The following TMC2 variants were observed in gnomAD, a reference collection of about 807,000 sequenced individuals.
The protein encoded by TMC2 is transmembrane channel like 2.
A neutral mutation model predicts 105.9 loss-of-function variants in TMC2; 102 were observed. The ratio of observed to expected loss-of-function variants is 0.96; its 90% CI spans 0.82 to 1.14. The LOEUF is 1.14. Among genes scored for constraint, TMC2 ranks in the 50% most tolerant of loss-of-function variants. TMC2 has a pLI of 0.00. For missense variants in TMC2, 1,093 were observed against 1,134.3 expected (o/e 0.96, Z 0.52); for synonymous variants, 402 against 422.8 (o/e 0.95, Z 0.60).
rs140733869 is a variant in TMC2 at position 2,602,193 on chromosome 20, T to A, written c.1305T>A (p.Phe435Leu). The A allele has an allele frequency of 3.0e-4, 482 of 1,613,762 alleles. 1 individual carries two copies. The African/African-American group carries it at 5.5e-3, about 18-fold the overall frequency. The change falls in exon 11 of 20, where the codon TTT becomes TTA. Residue 435 changes from phenylalanine to leucine, a missense_variant. Transcript: ENST00000358864. ...LTRFLRVLAN[F>L]LIICCLCGSG... is the part of the protein sequence containing the mutation. ...GATTTCTTCGTGTCCTGGCCAACTT[T>A]CTCATCATCTGCTGTTTGTGTGGAA...
At chr20:2,635,492 A>C (rs1454283932) in intron 17 of TMC2, among the ~76,000 whole-genome samples, 3 of 152,102 alleles carry the variant, frequency 2.0e-5, no homozygotes, top group African/African-American at 7.2e-5. Context: ...TAAACATAGA[A>C]GTCTACTCTC....
intron 5 of TMC2, among the ~76,000 whole-genome samples, chr20:2,575,774 G>T (rs1479591545): frequency 3.4e-5 from 4 of 118,582 alleles, no homozygotes; most frequent in African/African-American, 1.3e-4. Context: ...CTTTCTCTTT[G>T]CAATCTCAGA....
At chr20:2,545,690 AGAAGGAAGAAGAAAGAAGAAG>A (rs1035569533) in intron 2 of TMC2, among the ~76,000 whole-genome samples, 7 of 66,322 alleles carry the variant, frequency 1.1e-4, no homozygotes, top group Middle Eastern at 7.1e-3. Context: ...AGAAGAAAGA[AGAAGGAAGAAGAAAGAAGAAG>A]GAAGAAGAAG....
At chr20:2,600,873 G>T (rs1600123117) in intron 10 of TMC2, among the ~76,000 whole-genome samples, 1 of 150,446 alleles carries the variant, frequency 6.6e-6, no homozygotes, top group Non-Finnish European at 1.5e-5. Flanking sequence ...TGTAATCCCA[G>T]CTACTCAGGA....
At position 2,572,214 on chromosome 20, in the gene TMC2, C is replaced by G. The variant is rs2086108762; in HGVS notation, c.590C>G (p.Ala197Gly). ...AQEFVEKYEG[A>G]LGKGKGKQLY... ...GAATTTGTGGAGAAGTATGAAGGTGCCTTGGGAAAGGGGAAAGGCAAGCAA... is the reference window on the plus strand; with the variant it reads ...GAATTTGTGGAGAAGTATGAAGGTGGCTTGGGAAAGGGGAAAGGCAAGCAA... The change falls in exon 5 of 20, where the codon GCC becomes GGC. Residue 197 changes from alanine (A) to glycine (G), a missense_variant. Transcript: ENST00000358864. 14 of 1,611,802 alleles carry G rather than the reference C, an allele frequency of 8.7e-6. No individual in the cohort carries two copies. Among genetic ancestry groups the G allele is most frequent in the Non-Finnish European group, 1.2e-5 (14 of 1,179,626 alleles).
intron 16 of TMC2, among the ~76,000 whole-genome samples, chr20:2,620,328 A>G (rs1240056704): frequency 6.6e-6 from 1 of 152,240 alleles, no homozygotes; most frequent in African/African-American, 2.4e-5. Context: ...TGTCATGAGA[A>G]TGTGCTGTAA....
Position 2,617,322 on chromosome 20 carries a change from TC to T in TMC2, c.2180+12del. The stretch of plus-strand genomic sequence containing the variant: ...CTGCGGGCCGTTCAGGTGCAGAGTC[TC>T]AGTTGCCCGGGAGCACCTCCCCTCC... On this transcript the variant is annotated intron_variant, in intron 16 of 19. Transcript: ENST00000358864. 1 of 1,613,972 alleles carries T rather than the reference TC, an allele frequency of 6.2e-7. No individual in the cohort carries two copies. The highest frequency in any genetic ancestry group is 8.5e-7 in the Non-Finnish European group (1 of 1,179,876).
Position 2,558,606 on chromosome 20 carries a change from G to C in TMC2, c.233G>C (p.Arg78Thr). The C allele has an allele frequency of 1.3e-6, 2 of 1,557,984 alleles. No homozygotes were observed. Among genetic ancestry groups the C allele is most frequent in the Non-Finnish European group, 1.7e-6 (2 of 1,150,468 alleles). ...CGGAGGAAGCAAACAGGGCGCAGGA[G>C]ACACAGAGAAGAGCTGGGGGAGCAG... ...SPRRKQTGRR[R>T]HREELGEQER... The change falls in exon 3 of 20, where the codon AGA becomes ACA. Residue 78 changes from arginine to threonine, a missense_variant. Coordinates refer to ENST00000358864, the MANE Select transcript of TMC2 (RefSeq NM_080751.3). This position sits in a 1 kb window ranked among gnomAD's most constrained non-coding sequence, Gnocchi z 4.6.
chr20:2,595,518 C>T (rs980337973), intron 9 of TMC2, among the ~76,000 whole-genome samples: 8 of 152,052 alleles, frequency 5.3e-5, no homozygotes, highest in Non-Finnish European at 1.2e-4. Context: ...CCATGGCGGC[C>T]TCTCTGGCCC....
At chr20:2,579,034 C>CACCCATGCTGACTCATGCTG in intron 5 of TMC2, 112 bp from the exon 6 acceptor site, 1 of 675,162 alleles carries the variant, frequency 1.5e-6, no homozygotes, top group South Asian at 1.6e-5. Flanking sequence ...ACAGCAGCTT[C>CACCCATGCTGACTCATGCTG]ACCCATGCTG....
intron 2 of TMC2, among the ~76,000 whole-genome samples, chr20:2,543,472 A>T (rs2085904403): frequency 6.6e-6 from 1 of 152,232 alleles, no homozygotes; most frequent in African/African-American, 2.4e-5. Flanking sequence ...GAGAATCACA[A>T]CATAATAGTC....
intron 4 of TMC2, among the ~76,000 whole-genome samples, chr20:2,562,485 C>T (rs2086034279): frequency 6.6e-6 from 1 of 152,244 alleles, no homozygotes; most frequent in African/African-American, 2.4e-5. Context: ...GTCACATCCC[C>T]ATTGCCTGGC....
chr20:2,624,291 A>T lies in TMC2; in HGVS notation c.2201A>T (p.Asp734Val), dbSNP rs763514271. The stretch of plus-strand genomic sequence containing the variant: ...TCCAGTGGGAAAAACAGAATGTACG[A>T]TGTCCTCCAAGAGACCATTGAAAAC... ...GPFSGKNRMYDVLQETIENDF... is the reference protein window; with the variant it reads ...GPFSGKNRMYVVLQETIENDF... The change falls in exon 17 of 20, where the codon GAT (aspartate) becomes GTT (valine). Residue 734 changes from aspartate (D) to valine (V), a missense_variant. Transcript: ENST00000358864. 6.2e-7 allele frequency: 1 copy of T among 1,614,114 alleles called. No individual in the cohort carries two copies. Among genetic ancestry groups the T allele is most frequent in the Admixed American group, 1.7e-5 (1 of 60,020 alleles).
rs1397258285 is a variant in TMC2, at chr20:2,637,764, T to C, written c.2503+173T>C. ...GGGGTCAATCATAGCACCTGCCTCA[T>C]GGGATGGTGAAGATGAGATGTAATC... is the stretch of plus-strand genomic sequence containing the variant. On this transcript the variant is annotated intron_variant, in intron 19 of 19. Transcript: ENST00000358864. Among the ~76,000 whole-genome samples, 7 of 152,244 alleles carry C rather than the reference T, an allele frequency of 4.6e-5. No individual in the cohort carries two copies. In the East Asian group the frequency reaches 1.2e-3, roughly 25 times the overall value.
At chr20:2,626,185 A>G (rs1244219887) in intron 17 of TMC2, among the ~76,000 whole-genome samples, 1 of 152,246 alleles carries the variant, frequency 6.6e-6, no homozygotes. Context: ...TTAGCTATCT[A>G]TTATTACATA....
intron 5 of TMC2, among the ~76,000 whole-genome samples, chr20:2,576,228 C>T (rs2086143200): frequency 6.6e-6 from 1 of 152,180 alleles, no homozygotes; most frequent in South Asian, 2.1e-4. Context: ...TGACAACTAA[C>T]AACCCATCCT....
Position 2,537,266 on chromosome 20 carries a change from C to T in TMC2, c.35-3C>T, listed in dbSNP as rs373754444. The T allele has an allele frequency of 2.7e-5, 43 of 1,601,388 alleles. No individual in the cohort carries two copies. In the African/African-American group the frequency reaches 4.5e-4, roughly 17 times the overall value. ...CATTTGTCAGCAATCCTGTCTCTTA[C>T]AGCACGAGGCGGAGTGAAAGGGCGG... On this transcript the variant is annotated splice_region_variant and splice_polypyrimidine_tract_variant and intron_variant, in intron 1 of 19. Coordinates refer to ENST00000358864, the MANE Select transcript of TMC2 (RefSeq NM_080751.3).
At chr20:2,562,679 C>T (rs753061158) in intron 4 of TMC2, among the ~76,000 whole-genome samples, 13 of 152,198 alleles carry the variant, frequency 8.5e-5, no homozygotes, top group East Asian at 5.8e-4. Context: ...TAACAGTAGA[C>T]TCACACCTGT....
intron 2 of TMC2, among the ~76,000 whole-genome samples, chr20:2,549,601 G>A (rs1235576891): frequency 6.6e-6 from 1 of 151,966 alleles, no homozygotes; most frequent in South Asian, 2.1e-4. Context: ...AAATTAGCCA[G>A]GCATGGTGGC....
Sources: gnomAD v4.1 joint callset for allele counts (sites outside exome capture counted in the v4.1 genomes callset) on GRCh38, gnomAD v4.1.1 for gene constraint, Gnocchi (gnomAD v3.1) non-coding constraint, MANE v1.5 for transcripts, NCBI Gene and HGNC (gene_info 2026-07-23, HGNC 2026-07-21) for gene names.